TLN2: variants seen among roughly 807,000 people sequenced by gnomAD.
TLN2 encodes talin-2.
TLN2 carries 118 observed loss-of-function variants against 294.7 expected under a neutral mutation model. The observed-to-expected ratio is 0.40, with a 90% confidence interval of 0.34 to 0.47. TLN2 has a LOEUF of 0.47. Ranked by LOEUF, TLN2 falls within the 20% of genes least tolerant of loss-of-function variation. The probability of loss-of-function intolerance (pLI) is 0.84; values close to 1 mark genes in which losing one functional copy is unlikely to be tolerated. For synonymous variants in TLN2, 1,431 were observed against 1,304.5 expected, an observed-to-expected ratio of 1.10 and a Z score of -2.09; for missense variants, 3,083 against 3,282.2, an observed-to-expected ratio of 0.94 and a Z score of 1.48.
At chr15:62,700,834 G>A (rs143316223) in intron 16 of TLN2, among the ~76,000 whole-genome samples, 2 of 152,168 alleles carry the variant, frequency 1.3e-5, no homozygotes, top group Admixed American at 6.5e-5. Context: ...ATAAGGCCAC[G>A]TGGAATTTTT....
chr15:62,548,183 T>A (rs2042100785), intron 1 of TLN2, among the ~76,000 whole-genome samples: 1 of 151,806 alleles, frequency 6.6e-6, no homozygotes, highest in South Asian at 2.1e-4. Context: ...CCAGCCTGAG[T>A]CTGGAAGACC....
At chr15:62,491,010 A>G (rs571298835) in intron 1 of TLN2, among the ~76,000 whole-genome samples, 1 of 152,324 alleles carries the variant, frequency 6.6e-6, no homozygotes, top group South Asian at 2.1e-4. Context: ...TACATTTTAC[A>G]GAAACATAAG....
chr15:62,426,325 A>G (rs1475184280), intron 1 of TLN2, among the ~76,000 whole-genome samples: 3 of 152,188 alleles, frequency 2.0e-5, no homozygotes, highest in Admixed American at 6.5e-5. Flanking sequence ...GGCATTTATT[A>G]GGCCCTATAC....
At position 62,797,366 on chromosome 15, in the gene TLN2, G is replaced by A; in HGVS notation, c.6198G>A (p.Gly2066=). ...AGCTCGCAGAAGTGGTCAAGCTGGG[G>A]GCAGCCAGCCTGGGCTCCGACGACC... The part of the protein sequence containing the change: ...ITQLAEVVKL[G]AASLGSDDPE... The change falls in exon 48 of 59, where the codon GGG becomes GGA. Residue 2066 remains glycine (G), a synonymous_variant. Transcript: ENST00000636159. The A allele has an allele frequency of 1.2e-6, 2 of 1,612,404 alleles. No individual in the cohort carries two copies. The highest frequency in any genetic ancestry group is 1.7e-6 in the Non-Finnish European group (2 of 1,179,608).
At chr15:62,662,636 C>G (rs748209920) in intron 9 of TLN2, among the ~76,000 whole-genome samples, 25 of 152,230 alleles carry the variant, frequency 1.6e-4, no homozygotes, top group Non-Finnish European at 2.8e-4. Context: ...ACACTAGACA[C>G]TGGAGATACA....
At chr15:62,815,412 G>A (rs114260354) in intron 52 of TLN2, among the ~76,000 whole-genome samples, 51 of 152,290 alleles carry the variant, frequency 3.3e-4, no homozygotes, top group African/African-American at 1.2e-3. Context: ...AATTCAAGGA[G>A]AATCGATGGA....
At chr15:62,550,983 G>A (rs572957987) in intron 1 of TLN2, among the ~76,000 whole-genome samples, 1 of 152,216 alleles carries the variant, frequency 6.6e-6, no homozygotes, top group East Asian at 1.9e-4. Context: ...GAATCAGTGG[G>A]AGCCCTGAGC....
In TLN2 at chr15:62,712,183, T is replaced by A. The variant is rs1317630493; in HGVS notation, c.2634+106T>A. On this transcript the variant is annotated intron_variant, in intron 22 of 58. Coordinates refer to ENST00000636159, the MANE Select transcript of TLN2 (RefSeq NM_015059.3). ...GGTCATCCGAGTGTGCATTTTTGTTTGCTTAAAACCTATATGGCTTGTAAC... is the reference window on the plus strand; with the variant it reads ...GGTCATCCGAGTGTGCATTTTTGTTAGCTTAAAACCTATATGGCTTGTAAC... 4 of 1,403,054 alleles carry A rather than the reference T, an allele frequency of 2.9e-6. No homozygotes were observed. The African/African-American group carries it at 5.7e-5, about 20-fold the overall frequency. The allele number at this position is 1,403,054 out of a possible 1,614,324, so 86.9% of individuals were successfully genotyped here.
At chr15:62,770,273 C>T (rs2063272735) in intron 41 of TLN2, among the ~76,000 whole-genome samples, 1 of 152,196 alleles carries the variant, frequency 6.6e-6, no homozygotes, top group Non-Finnish European at 1.5e-5. Context: ...AGGGGGTGCG[C>T]CCGCTAGATG....
intron 3 of TLN2, among the ~76,000 whole-genome samples, chr15:62,620,487 C>T (rs1230253168): frequency 6.6e-6 from 1 of 151,176 alleles, no homozygotes; most frequent in African/African-American, 2.4e-5. Flanking sequence ...CCGCCCCACA[C>T]CCTTTTCTTT....
At chr15:62,698,936 C>T (rs907341385) in intron 16 of TLN2, 69 bp downstream of exon 16, 74 of 1,395,108 alleles carry the variant, frequency 5.3e-5, no homozygotes, top group Middle Eastern at 3.5e-4. Context: ...TATACTCTGT[C>T]GGGATTCATC....
chr15:62,779,283 C>T (rs971398606), intron 43 of TLN2, among the ~76,000 whole-genome samples: 1 of 152,218 alleles, frequency 6.6e-6, no homozygotes. Flanking sequence ...TTTCCTCATT[C>T]AGTGAGGTTG....
chr15:62,577,674 T>C (rs1023938459), intron 1 of TLN2, among the ~76,000 whole-genome samples: 1 of 152,132 alleles, frequency 6.6e-6, no homozygotes, highest in African/African-American at 2.4e-5. Context: ...TTTCTTTGTT[T>C]TGTATATATT....
At chr15:62,527,210 T>G (rs1478760908) in intron 1 of TLN2, among the ~76,000 whole-genome samples, 1 of 152,010 alleles carries the variant, frequency 6.6e-6, no homozygotes, top group Non-Finnish European at 1.5e-5. Context: ...ATCCGAAGTC[T>G]TCTTTGGACT....
At chr15:62,475,412 G>C (rs999597217) in intron 1 of TLN2, among the ~76,000 whole-genome samples, 4 of 152,182 alleles carry the variant, frequency 2.6e-5, no homozygotes, top group African/African-American at 9.7e-5. Flanking sequence ...GCTCGAGGTT[G>C]CATTGATGTG....
At chr15:62,409,653 G>A (rs1471151163) in intron 1 of TLN2, among the ~76,000 whole-genome samples, 1 of 152,148 alleles carries the variant, frequency 6.6e-6, no homozygotes, top group African/African-American at 2.4e-5. Context: ...AGGAGGCTTT[G>A]TGGTTTTAAA....
rs149434344 is a variant in TLN2 at position 62,781,186 on chromosome 15, A to C, written c.5561A>C (p.Tyr1854Ser). 4 of 1,614,230 alleles carry C rather than the reference A, an allele frequency of 2.5e-6. No individual in the cohort carries two copies. The highest frequency in any genetic ancestry group is 2.2e-5 in the East Asian group (1 of 44,880). The change falls in exon 44 of 59, where the codon TAT becomes TCT. Residue 1854 changes from tyrosine (Y) to serine (S), a missense_variant. Coordinates refer to ENST00000636159, the MANE Select transcript of TLN2 (RefSeq NM_015059.3). ...PPEPKGTFVD[Y>S]QTTVVKYSKA... Reference sequence around the variant, plus strand: ...GAACCAAAGGGAACATTTGTCGACTATCAGACGACTGTGGTTAAATACTCC... The same window carrying C: ...GAACCAAAGGGAACATTTGTCGACTCTCAGACGACTGTGGTTAAATACTCC...
intron 1 of TLN2, among the ~76,000 whole-genome samples, chr15:62,585,732 A>G (rs1182367584): frequency 6.6e-6 from 1 of 152,206 alleles, no homozygotes; most frequent in Non-Finnish European, 1.5e-5. Flanking sequence ...GTCCCTTTGA[A>G]ATAAGCTCCT....
intron 51 of TLN2, among the ~76,000 whole-genome samples, chr15:62,806,700 A>G (rs533570093): frequency 9.2e-5 from 14 of 152,226 alleles, no homozygotes; most frequent in African/African-American, 3.1e-4. Context: ...AGGAAAGTGA[A>G]CTATAAGAGC....
Sources: gnomAD v4.1 joint callset for allele counts (sites outside exome capture counted in the v4.1 genomes callset) on GRCh38, gnomAD v4.1.1 for gene constraint, MANE v1.5 for transcripts, NCBI Gene and HGNC (gene_info 2026-07-23, HGNC 2026-07-21) for gene names.